The following MAPK8 variants were observed in gnomAD, a reference collection of about 807,000 sequenced individuals.
MAPK8 encodes mitogen-activated protein kinase 8.
A neutral mutation model predicts 52.9 loss-of-function variants in MAPK8; 13 were observed. The ratio of observed to expected loss-of-function variants is 0.25; its 90% CI spans 0.16 to 0.39. The LOEUF (loss-of-function observed/expected upper bound fraction) is 0.39. Among genes scored for constraint, MAPK8 ranks in the 10% least tolerant of loss-of-function variants. MAPK8 has a pLI of 1.00. For missense variants in MAPK8, 300 were observed against 519.2 expected, an observed-to-expected ratio of 0.58 and a Z score of 4.10; for synonymous variants, 191 against 169.8, an observed-to-expected ratio of 1.12 and a Z score of -0.97.
intron 1 of MAPK8, among the ~76,000 whole-genome samples, chr10:48,373,268 G>T (rs1312278571): frequency 1.3e-5 from 2 of 152,060 alleles, no homozygotes; most frequent in African/African-American, 4.8e-5. Flanking sequence ...ACTGGTACTA[G>T]CCACTGCAAA....
intron 5 of MAPK8, among the ~76,000 whole-genome samples, chr10:48,419,247 A>G (rs2043220041): frequency 6.6e-6 from 1 of 152,128 alleles, no homozygotes; most frequent in South Asian, 2.1e-4. Flanking sequence ...CAAGCAGGCT[A>G]TTTTCCTTTT....
At chr10:48,375,529 A>G (rs1159505437) in intron 1 of MAPK8, among the ~76,000 whole-genome samples, 1 of 152,184 alleles carries the variant, frequency 6.6e-6, no homozygotes, top group Non-Finnish European at 1.5e-5. Flanking sequence ...GATAAGCAAC[A>G]TCAACAAAGT....
At chr10:48,400,785 A>G (rs962787974) in intron 1 of MAPK8, among the ~76,000 whole-genome samples, 1 of 152,200 alleles carries the variant, frequency 6.6e-6, no homozygotes, top group African/African-American at 2.4e-5. Context: ...ACATTTTGGA[A>G]TAGTCTCTTT....
rs2041689760 is a variant in MAPK8 at position 48,392,692 on chromosome 10, G to A, written c.-49-8920G>A. On this transcript the variant is annotated intron_variant, in intron 1 of 11. Coordinates refer to ENST00000374189, the MANE Select transcript of MAPK8 (RefSeq NM_001323329.2). ...TTCCTCTCTTTATTGGATCCTTTTT[G>A]TTAGCATATAAACATGTTCAGGTTG... 2.0e-5 allele frequency among the ~76,000 whole-genome samples: 3 copies of A among 151,524 alleles called. No individual in the cohort carries two copies. The East Asian group carries it at 5.8e-4, about 29-fold the overall frequency.
intron 5 of MAPK8, among the ~76,000 whole-genome samples, chr10:48,413,301 C>T (rs1289335259): frequency 6.6e-6 from 1 of 152,182 alleles, no homozygotes; most frequent in Non-Finnish European, 1.5e-5. Flanking sequence ...ATTTGGGCTA[C>T]AGCCAGAAGT....
At chr10:48,400,706 A>G (rs1051323125) in intron 1 of MAPK8, among the ~76,000 whole-genome samples, 5 of 152,244 alleles carry the variant, frequency 3.3e-5, no homozygotes, top group Non-Finnish European at 7.3e-5. Flanking sequence ...ACAAAAAACA[A>G]TAACTTTAGA....
At chr10:48,395,390 G>A (rs76612135) in intron 1 of MAPK8, among the ~76,000 whole-genome samples, 1,690 of 152,086 alleles carry the variant, frequency 0.011, 36 homozygotes, top group African/African-American at 0.039. Flanking sequence ...AACTGCTAAG[G>A]CAATTCAGTG....
At chr10:48,364,641 T>C (rs1209707010) in intron 1 of MAPK8, among the ~76,000 whole-genome samples, 1 of 152,168 alleles carries the variant, frequency 6.6e-6, no homozygotes, top group Non-Finnish European at 1.5e-5. Context: ...AGAAGTTGCC[T>C]AGGATCAAAG....
At position 48,324,502 on chromosome 10, in the gene MAPK8, A is replaced by ATTTTTTTTTTTTTT. The variant is rs1554810394; in HGVS notation, c.-50+17681_-50+17682insTTTTTTTTTTTTTT. ...TTATACAACAGTTGTCCTGTTTTCT[A>ATTTTTTTTTTTTTT]GTTTTTTTTTTTTTTTTTACACTCA... On this transcript the variant is annotated intron_variant, in intron 1 of 11. Coordinates refer to ENST00000374189, the MANE Select transcript of MAPK8 (RefSeq NM_001323329.2). 1.3e-4 allele frequency among the ~76,000 whole-genome samples: 7 copies of ATTTTTTTTTTTTTT among 54,340 alleles called. 1 individual carries two copies. Among genetic ancestry groups the ATTTTTTTTTTTTTT allele is most frequent in the African/African-American group, 1.1e-3 (7 of 6,582 alleles). 35.6% of individuals were successfully genotyped at this position (54,340 alleles called of 152,430 possible).
intron 1 of MAPK8, among the ~76,000 whole-genome samples, chr10:48,398,281 A>G (rs150436525): frequency 2.0e-3 from 307 of 152,328 alleles, no homozygotes; most frequent in Non-Finnish European, 3.4e-3. Context: ...AGACAGCCGT[A>G]TTTTTACAAT....
chr10:48,378,573 G>T (rs2040807990), intron 1 of MAPK8, among the ~76,000 whole-genome samples: 2 of 152,058 alleles, frequency 1.3e-5, no homozygotes, highest in Non-Finnish European at 2.9e-5. Flanking sequence ...TTACAGACTG[G>T]TTGTAGCCAG....
chr10:48,398,447 TG>T (rs2041998010), intron 1 of MAPK8, among the ~76,000 whole-genome samples: 1 of 152,136 alleles, frequency 6.6e-6, no homozygotes. Flanking sequence ...TAAAATTAAA[TG>T]GCAATCCGAA....
chr10:48,320,095 TG>T (rs1842856530), intron 1 of MAPK8, among the ~76,000 whole-genome samples: 1 of 151,896 alleles, frequency 6.6e-6, no homozygotes, highest in Non-Finnish European at 1.5e-5. Flanking sequence ...TTTGTATTTT[TG>T]GTAGAGATAG....
chr10:48,328,554 C>T (rs1400744746), intron 1 of MAPK8, among the ~76,000 whole-genome samples: 1 of 152,148 alleles, frequency 6.6e-6, no homozygotes, highest in Non-Finnish European at 1.5e-5. Flanking sequence ...CTGGGACACT[C>T]CTTTTCTTTA....
intron 1 of MAPK8, among the ~76,000 whole-genome samples, chr10:48,361,873 T>C (rs1039852358): frequency 5.3e-5 from 8 of 152,202 alleles, no homozygotes; most frequent in African/African-American, 1.9e-4. Flanking sequence ...GTTAATAATA[T>C]CACTACCCTT....
chr10:48,369,280 A>G (rs374772778), intron 1 of MAPK8, among the ~76,000 whole-genome samples: 1 of 152,194 alleles, frequency 6.6e-6, no homozygotes. Flanking sequence ...GATCTGTGGT[A>G]GATTAAAGGT....
intron 7 of MAPK8, 125 bp downstream of exon 7, chr10:48,424,284 T>TA: frequency 2.2e-6 from 2 of 902,420 alleles, no homozygotes; most frequent in East Asian, 5.1e-5. Context: ...TTGTGGCTAT[T>TA]ATAGTTCAAA....
intron 1 of MAPK8, among the ~76,000 whole-genome samples, chr10:48,382,910 A>G (rs964273833): frequency 9.2e-5 from 4 of 43,710 alleles, no homozygotes; most frequent in Non-Finnish European, 1.9e-4. Flanking sequence ...CTATGTGTAT[A>G]TATATATATG....
Position 48,438,566 on chromosome 10 carries a change from T to C in MAPK8, c.*3537T>C, listed in dbSNP as rs921870979. The stretch of plus-strand genomic sequence containing the variant: ...ACTTTTGAGAAATATTACCTGTGGA[T>C]TAATTTTGCACAATGTTCTATTCTC... On this transcript the variant is annotated 3_prime_UTR_variant, in exon 12 of 12. Coordinates refer to ENST00000374189, the MANE Select transcript of MAPK8 (RefSeq NM_001323329.2). 6.6e-6 allele frequency: 1 copy of C among 152,242 alleles called. No individual in the cohort carries two copies. Among genetic ancestry groups the C allele is most frequent in the Non-Finnish European group, 1.5e-5 (1 of 68,038 alleles). 9.4% of individuals were successfully genotyped at this position (152,242 alleles called of 1,614,324 possible). A position where few individuals can be genotyped will look rare whatever the true frequency, so the allele number is the denominator to read the frequency against.
Sources: gnomAD v4.1 joint callset for allele counts (sites outside exome capture counted in the v4.1 genomes callset) on GRCh38, gnomAD v4.1.1 for gene constraint, MANE v1.5 for transcripts, NCBI Gene and HGNC (gene_info 2026-07-23, HGNC 2026-07-21) for gene names.